Variants in MATN1 observed in about 807,000 individuals in gnomAD.
MATN1 encodes the protein matrilin 1, also known as matrilin-1.
In MATN1, 34 loss-of-function variants were observed where a neutral mutation model predicts 41.3. That is an observed-to-expected ratio of 0.82 (90% confidence interval 0.63 to 1.10). The LOEUF (loss-of-function observed/expected upper bound fraction) is 1.10, where lower values mean the gene tolerates loss of function less well. Among genes scored for constraint, MATN1 ranks in the 50% least tolerant of loss-of-function variants. The pLI is 0.00. For missense variants in MATN1, 602 were observed against 662.4 expected, an observed-to-expected ratio of 0.91 and a Z score of 1.00; for synonymous variants, 264 against 278.7, an observed-to-expected ratio of 0.95 and a Z score of 0.53.
In MATN1 at chr1:30,716,918, G is replaced by A. The variant is rs372556821; in HGVS notation, c.665-3C>T. 4.6e-5 allele frequency: 74 copies of A among 1,611,478 alleles called. No individual in the cohort carries two copies. The highest frequency in any genetic ancestry group is 5.5e-5 in the Non-Finnish European group (65 of 1,178,814). On this transcript the variant is annotated splice_region_variant and splice_polypyrimidine_tract_variant and intron_variant, in intron 3 of 7. Coordinates refer to ENST00000373765, the MANE Select transcript of MATN1 (RefSeq NM_002379.3). The stretch of plus-strand genomic sequence containing the variant: ...TGTGGCGCACAGGTCTGACACCACT[G>A]CGGGGACAATAAGTAGCTCAGATCT...
At chr1:30,716,630 G>A (rs1353343343) in intron 4 of MATN1, among the ~76,000 whole-genome samples, 160 bp downstream of exon 4, 2 of 152,248 alleles carry the variant, frequency 1.3e-5, no homozygotes, top group South Asian at 2.1e-4. Context: ...CAGAAGTCAG[G>A]TGAGAACTTC....
intron 7 of MATN1, 53 bp downstream of exon 7, chr1:30,714,194 C>A: frequency 6.8e-7 from 1 of 1,468,340 alleles, no homozygotes; most frequent in Non-Finnish European, 9.3e-7. Flanking sequence ...CCCGCCTCCC[C>A]CAACACTGGC....
intron 1 of MATN1, 70 bp from the exon 2 acceptor site, chr1:30,721,821 G>A (rs936053773): frequency 9.1e-6 from 12 of 1,313,916 alleles, no homozygotes; most frequent in Non-Finnish European, 1.2e-5. Context: ...TGAACACACA[G>A]AGTGCGGCTT....
intron 2 of MATN1, chr1:30,719,823 C>T (rs1482536820): frequency 6.5e-6 from 1 of 153,194 alleles, no homozygotes; most frequent in Non-Finnish European, 1.5e-5. Context: ...CCATCCTTAG[C>T]CCCAGGTCCT....
intron 3 of MATN1, among the ~76,000 whole-genome samples, chr1:30,717,821 A>C (rs1031207841): frequency 6.6e-6 from 1 of 151,666 alleles, no homozygotes; most frequent in African/African-American, 2.4e-5. Flanking sequence ...CGCCCGGCTA[A>C]TTTTTTGTAT....
Position 30,723,471 on chromosome 1 carries a change from G to A in MATN1, c.81C>T (p.Ala27=), listed in dbSNP as rs1166375082. 5.3e-6 allele frequency: 8 copies of A among 1,523,254 alleles called. No homozygotes were observed. In the Admixed American group the frequency reaches 1.5e-4, roughly 29 times the overall value. The allele number at this position is 1,523,254 out of a possible 1,614,324, so 94.4% of individuals were successfully genotyped here. Reference sequence around the variant, plus strand: ...AAGCCCCCTCACCTCTGGACTGGGGGGCGAGGCCAGGGCTGCACAGGGCCT... The same window carrying A: ...AAGCCCCCTCACCTCTGGACTGGGGAGCGAGGCCAGGGCTGCACAGGGCCT... The part of the protein sequence containing the change: ...LLQALCSPGL[A]PQSRGHLCRT... The change falls in exon 1 of 8, where the codon GCC becomes GCT. Residue 27 remains alanine, a synonymous_variant. Transcript: ENST00000373765.
At chr1:30,717,641 G>GTTTTTTTTTTTTTTTTTTTTTT (rs1557450696) in intron 3 of MATN1, among the ~76,000 whole-genome samples, 1 of 136,794 alleles carries the variant, frequency 7.3e-6, no homozygotes, top group Admixed American at 7.5e-5. Flanking sequence ...TTGTGTGTGC[G>GTTTTTTTTTTTTTTTTTTTTTT]GTTTTTTTTT....
intron 7 of MATN1, 70 bp downstream of exon 7, chr1:30,714,177 C>T: frequency 2.3e-6 from 3 of 1,292,180 alleles, no homozygotes; most frequent in Non-Finnish European, 3.3e-6. Flanking sequence ...CACACTTGGG[C>T]CATGCCCCCG....
intron 2 of MATN1, chr1:30,719,239 G>A (rs746362493): frequency 1.9e-5 from 8 of 429,326 alleles, no homozygotes; most frequent in Non-Finnish European, 2.9e-5. Flanking sequence ...TAAGGTCAGG[G>A]CCATGCCTTC....
intron 1 of MATN1, among the ~76,000 whole-genome samples, chr1:30,722,702 A>G (rs1639712765): frequency 6.6e-6 from 1 of 152,202 alleles, no homozygotes; most frequent in South Asian, 2.1e-4. Flanking sequence ...GAGCAGAGCC[A>G]ATCCCAAAGA....
chr1:30,713,545 A>C lies in MATN1; in HGVS notation c.*37T>G. On this transcript the variant is annotated 3_prime_UTR_variant, in exon 8 of 8. Coordinates refer to ENST00000373765, the MANE Select transcript of MATN1 (RefSeq NM_002379.3). ...TGGTAAAGCTACGGCGGACACGTGC[A>C]GGACGCTTGGAGAGGCCACAGTGGT... The C allele has an allele frequency of 6.4e-7, 1 of 1,551,074 alleles. No homozygotes were observed.
Position 30,718,791 on chromosome 1 carries a change from A to G in MATN1, c.608T>C (p.Val203Ala), listed in dbSNP as rs547190664. 1.2e-4 allele frequency: 187 copies of G among 1,608,872 alleles called. 5 individuals are homozygous for G. The South Asian group carries it at 2.0e-3, about 17-fold the overall frequency. ...SEPQDEHVDY[V>A]ESYSVIEKLS... ...CTTCTCGATGACGCTGTAGCTCTCCACGTAATCGACGTGTTCGTCCTGCGG... is the reference window on the plus strand; with the variant it reads ...CTTCTCGATGACGCTGTAGCTCTCCGCGTAATCGACGTGTTCGTCCTGCGG... Residue 203 changes from valine to alanine, a missense_variant, in exon 3 of 8, where the codon GTG (valine) becomes GCG (alanine). By Grantham distance (64) the Val-to-Ala change is moderately conservative. Transcript: ENST00000373765.
chr1:30,714,443 T>C (rs1177630623), intron 6 of MATN1, 116 bp from the exon 7 acceptor site: 4 of 780,390 alleles, frequency 5.1e-6, no homozygotes, highest in Non-Finnish European at 8.9e-6. Flanking sequence ...GGTGAGGGGC[T>C]TAAGGGACCT....
chr1:30,722,076 G>A (rs970263325), intron 1 of MATN1, among the ~76,000 whole-genome samples: 3 of 152,132 alleles, frequency 2.0e-5, no homozygotes, highest in African/African-American at 7.2e-5. Context: ...GAGCCAGCAG[G>A]GGGCCAGGCA....
rs1251955096 is a variant in MATN1, at chr1:30,718,110, T to A, written c.664+625A>T. 3.9e-5 allele frequency among the ~76,000 whole-genome samples: 6 copies of A among 152,224 alleles called. No individual in the cohort carries two copies. The South Asian group carries it at 8.3e-4, about 21-fold the overall frequency. ...CCACCCCCAATCCACCTAAGCCGTG[T>A]CCCTAGCCCTGGCCCCGCCCTGATG... On this transcript the variant is annotated intron_variant, in intron 3 of 7. Coordinates refer to ENST00000373765, the MANE Select transcript of MATN1 (RefSeq NM_002379.3).
In MATN1 at chr1:30,715,822, C is replaced by G. The variant is rs956554276; in HGVS notation, c.1207+87G>C. ...ACCTGGGTTTAGGGCACTAATCAGA[C>G]GACACCAAGATAAACTACAGTTGGG... On this transcript the variant is annotated intron_variant, in intron 5 of 7. Transcript: ENST00000373765. The G allele has an allele frequency of 1.0e-5, 14 of 1,383,194 alleles. No individual in the cohort carries two copies. The African/African-American group carries it at 2.0e-4, about 20-fold the overall frequency. The allele number at this position is 1,383,194 out of a possible 1,614,324, so 85.7% of individuals were successfully genotyped here.
At chr1:30,714,626 T>C (rs543311514) in intron 6 of MATN1, among the ~76,000 whole-genome samples, 3 of 152,172 alleles carry the variant, frequency 2.0e-5, no homozygotes, top group Admixed American at 2.0e-4. Flanking sequence ...CCTCAGTGAG[T>C]TCACCTCAGC....
intron 3 of MATN1, 141 bp from the exon 4 acceptor site, chr1:30,717,056 C>G: frequency 1.1e-6 from 1 of 908,024 alleles, no homozygotes; most frequent in Non-Finnish European, 1.6e-6. Flanking sequence ...GGGCCCAGGC[C>G]CCCGACTCTC....
chr1:30,715,239 A>T lies in MATN1; in HGVS notation c.1278T>A (p.Pro426=), dbSNP rs768172854. ...CCGTGTAGAAGTAGTGCTCTGCCACAGGCTCTGAGGCTATTTCCCTCAGCT... is the reference window on the plus strand; with the variant it reads ...CCGTGTAGAAGTAGTGCTCTGCCACTGGCTCTGAGGCTATTTCCCTCAGCT... ...EDELREIASE[P]VAEHYFYTAD... is the part of the protein sequence containing the mutation. Residue 426 remains proline, a synonymous_variant, in exon 6 of 8, where the codon CCT becomes CCA. Coordinates refer to ENST00000373765, the MANE Select transcript of MATN1 (RefSeq NM_002379.3). 6 of 1,614,226 alleles carry T rather than the reference A, an allele frequency of 3.7e-6. No homozygotes were observed. The South Asian group carries it at 6.6e-5, about 18-fold the overall frequency.
Sources: gnomAD v4.1 joint callset for allele counts (sites outside exome capture counted in the v4.1 genomes callset) on GRCh38, gnomAD v4.1.1 for gene constraint, MANE v1.5 for transcripts, NCBI Gene and HGNC (gene_info 2026-07-23, HGNC 2026-07-21) for gene names.